PCNT: variants seen among roughly 807,000 people sequenced by gnomAD.
PCNT encodes the protein pericentrin.
PCNT carries 319 observed loss-of-function variants against 380.4 expected under a neutral mutation model. The observed-to-expected ratio is 0.84, with a 90% CI of 0.77 to 0.92. The LOEUF (loss-of-function observed/expected upper bound fraction) is 0.92. Ranked by LOEUF, PCNT falls within the 40% of genes least tolerant of loss-of-function variation. The pLI is 0.00. For synonymous variants in PCNT, 1,845 were observed against 1,735.2 expected, an observed-to-expected ratio of 1.06 and a Z score of -1.57; for missense variants, 4,400 against 4,255.3, an observed-to-expected ratio of 1.03 and a Z score of -0.95.
chr21:46,370,776 C>CTG (rs1290728953), intron 15 of PCNT, among the ~76,000 whole-genome samples: 2 of 152,190 alleles, frequency 1.3e-5, no homozygotes, highest in Non-Finnish European at 2.9e-5. Context: ...TGGCTCACGC[C>CTG]TGTAATCCCA....
At chr21:46,439,023 AT>A (rs889464984) in intron 41 of PCNT, among the ~76,000 whole-genome samples, 4 of 151,550 alleles carry the variant, frequency 2.6e-5, no homozygotes, top group African/African-American at 9.7e-5. Flanking sequence ...ATCTTCCGGA[AT>A]GTCTCATTTT....
chr21:46,411,751 C>T lies in PCNT; in HGVS notation c.5678C>T (p.Ala1893Val), dbSNP rs1569269515. The T allele has an allele frequency of 1.2e-5, 19 of 1,610,966 alleles. No individual in the cohort carries two copies. Among genetic ancestry groups the T allele is most frequent in the Non-Finnish European group, 1.6e-5 (19 of 1,179,708 alleles). ...GCGGCCCACTCTGCCGAGCTGGAGG[C>T]CGTCCTGTTGGCCTTGGCCCGCATC... ...RKAAHSAELE[A>V]VLLALARIRR... is the part of the protein sequence containing the mutation. Residue 1893 changes from alanine (A) to valine (V), a missense_variant, in exon 28 of 47, where the codon GCC becomes GTC. By Grantham distance (64) the Ala-to-Val change is moderately conservative (BLOSUM62 0). Coordinates refer to ENST00000359568, the MANE Select transcript of PCNT (RefSeq NM_006031.6).
At chr21:46,329,217 T>C (rs1185513277) in intron 2 of PCNT, among the ~76,000 whole-genome samples, 1 of 152,254 alleles carries the variant, frequency 6.6e-6, no homozygotes, top group Non-Finnish European at 1.5e-5. Context: ...AGGCATGGTA[T>C]AGACTCCTGA....
At chr21:46,413,020 C>T (rs570865200) in intron 29 of PCNT, 28 bp downstream of exon 29, 3 of 1,600,744 alleles carry the variant, frequency 1.9e-6, no homozygotes, top group East Asian at 2.2e-5. Flanking sequence ...GGCGCGAGGT[C>T]CCCCCGGGAG....
chr21:46,327,513 T>G (rs2083431602), intron 2 of PCNT, among the ~76,000 whole-genome samples: 1 of 151,978 alleles, frequency 6.6e-6, no homozygotes, highest in Non-Finnish European at 1.5e-5. Flanking sequence ...TGATCCTCCC[T>G]CCTCAGCCTC....
At chr21:46,327,154 G>A (rs761640476) in intron 2 of PCNT, among the ~76,000 whole-genome samples, 5 of 151,452 alleles carry the variant, frequency 3.3e-5, no homozygotes, top group East Asian at 2.0e-4. Flanking sequence ...TCCGCCTCCC[G>A]GGTTCATGCC....
chr21:46,351,458 C>T lies in PCNT; in HGVS notation c.1374C>T (p.Asp458=), dbSNP rs1315745440. Residue 458 remains aspartate (D), a synonymous_variant, in exon 9 of 47, where the codon GAC becomes GAT. Transcript: ENST00000359568. ...AGAATCTTCAAGCATCATATGAAGA[C>T]CTGAAGGCACAATCACAAGAAGAGA... ...ELENLQASYE[D]LKAQSQEEIR... is the part of the protein sequence containing the mutation. 3 of 1,611,940 alleles carry T rather than the reference C, an allele frequency of 1.9e-6. No individual in the cohort carries two copies. Among genetic ancestry groups the T allele is most frequent in the South Asian group, 2.2e-5 (2 of 91,054 alleles).
chr21:46,428,421 GC>G lies in PCNT; in HGVS notation c.7522del (p.His2508IlefsTer23). 1.2e-6 allele frequency: 2 copies of G among 1,612,572 alleles called. No individual in the cohort carries two copies. The highest frequency in any genetic ancestry group is 1.7e-6 in the Non-Finnish European group (2 of 1,179,898). On this transcript the variant is annotated frameshift_variant, in exon 35 of 47. Coordinates refer to ENST00000359568, the MANE Select transcript of PCNT (RefSeq NM_006031.6). LOFTEE classifies it high-confidence loss of function. ...QGDLQEKSLE[H>X]LRLPDRSSLL... Reference sequence around the variant, plus strand: ...GAGACCTGCAGGAAAAGTCCCTGGAGCATCTTCGCTTGCCGGACCGGAGCAG... The same window carrying G: ...GAGACCTGCAGGAAAAGTCCCTGGAGATCTTCGCTTGCCGGACCGGAGCAG...
At chr21:46,375,651 C>A (rs542088375) in intron 15 of PCNT, among the ~76,000 whole-genome samples, 3 of 152,142 alleles carry the variant, frequency 2.0e-5, no homozygotes, top group Non-Finnish European at 4.4e-5. Context: ...CGCTTCTGCT[C>A]GACATTGTGG....
chr21:46,380,952 G>A (rs548707152), intron 15 of PCNT, among the ~76,000 whole-genome samples: 109 of 152,176 alleles, frequency 7.2e-4, no homozygotes, highest in African/African-American at 2.4e-3. Flanking sequence ...ATCACTTGAG[G>A]TCAGGAGTTT....
At chr21:46,336,591 C>G (rs894090461) in intron 3 of PCNT, among the ~76,000 whole-genome samples, 1 of 152,012 alleles carries the variant, frequency 6.6e-6, no homozygotes, top group African/African-American at 2.4e-5. Context: ...TCGTGTAGGC[C>G]CTGTCTCCGT....
intron 25 of PCNT, among the ~76,000 whole-genome samples, chr21:46,400,328 G>T (rs961326473): frequency 3.9e-5 from 6 of 152,180 alleles, no homozygotes; most frequent in Non-Finnish European, 5.9e-5. Flanking sequence ...AGGGCTGCCT[G>T]TCTGCATTTC....
At chr21:46,362,128 G>GT (rs2084741969) in intron 13 of PCNT, among the ~76,000 whole-genome samples, 1 of 152,182 alleles carries the variant, frequency 6.6e-6, no homozygotes, top group Non-Finnish European at 1.5e-5. Flanking sequence ...CTGCGGCATG[G>GT]TGTTAATTCA....
chr21:46,331,837 A>G (rs2083570597), intron 2 of PCNT, among the ~76,000 whole-genome samples: 1 of 152,172 alleles, frequency 6.6e-6, no homozygotes, highest in Non-Finnish European at 1.5e-5. Context: ...CAGATGAGGA[A>G]CAAAGTGAGG....
rs776352984 is a variant in PCNT at position 46,411,423 on chromosome 21, C to T, written c.5350C>T (p.Arg1784Cys). The part of the protein sequence containing the change: ...ELLCSQAGGP[R>C]GQALQGELEA... ...GCTCTGCTCCCAGGCCGGGGGCCCT[C>T]GTGGGCAGGCCCTACAGGGCGAGCT... The change falls in exon 28 of 47, where the codon CGT becomes TGT. Residue 1784 changes from arginine (R) to cysteine (C), a missense_variant. Arg to Cys is a radical substitution (Grantham distance 180). Coordinates refer to ENST00000359568, the MANE Select transcript of PCNT (RefSeq NM_006031.6). 19 of 1,612,756 alleles carry T rather than the reference C, an allele frequency of 1.2e-5. No homozygotes were observed. The highest frequency in any genetic ancestry group is 2.2e-5 in the South Asian group (2 of 91,054).
At chr21:46,350,998 G>A (rs2084246112) in intron 8 of PCNT, among the ~76,000 whole-genome samples, 2 of 152,214 alleles carry the variant, frequency 1.3e-5, no homozygotes. Flanking sequence ...CTTCCTTAAT[G>A]TAGAAGTATT....
intron 3 of PCNT, among the ~76,000 whole-genome samples, chr21:46,340,652 G>A (rs1416854834): frequency 6.6e-6 from 1 of 152,036 alleles, no homozygotes; most frequent in African/African-American, 2.4e-5. Flanking sequence ...CCTGGTATTT[G>A]GAGGTGCAGT....
intron 2 of PCNT, among the ~76,000 whole-genome samples, chr21:46,327,384 G>T (rs1293746720): frequency 7.5e-6 from 1 of 133,682 alleles, no homozygotes; most frequent in Non-Finnish European, 1.7e-5. Flanking sequence ...AATAAATTTG[G>T]GTTTTCTTTT....
chr21:46,437,135 C>A, intron 40 of PCNT, 54 bp downstream of exon 40: 1 of 1,145,124 alleles, frequency 8.7e-7, no homozygotes, highest in Non-Finnish European at 1.3e-6. Context: ...CAGAGGGGCC[C>A]TCTCGGCAGC....
Sources: allele counts gnomAD v4.1 joint callset (sites outside exome capture counted in the v4.1 genomes callset), GRCh38; gene constraint gnomAD v4.1.1; transcripts MANE v1.5; gene names NCBI Gene and HGNC (gene_info 2026-07-23, HGNC 2026-07-21).